The following PREX1 variants were observed in gnomAD, a reference collection of about 807,000 sequenced individuals.
The protein encoded by PREX1 is phosphatidylinositol-3,4,5-trisphosphate dependent Rac exchange factor 1, also known as phosphatidylinositol 3,4,5-trisphosphate-dependent Rac exchanger 1 protein.
Under a neutral mutation model 198.3 loss-of-function variants are expected in PREX1, and 41 were observed. The ratio of observed to expected loss-of-function variants is 0.21; its 90% CI spans 0.16 to 0.27. The LOEUF (loss-of-function observed/expected upper bound fraction) is 0.27, where lower values mean the gene tolerates loss of function less well. PREX1 is among the 10% of genes least tolerant of loss of function. The pLI, the probability that PREX1 is intolerant of heterozygous loss-of-function variation, is 1.00. For missense variants in PREX1, 1,620 were observed against 2,200.7 expected (o/e 0.74, Z 5.28); for synonymous variants, 843 against 887.2 (o/e 0.95, Z 0.89).
intron 32 of PREX1, among the ~76,000 whole-genome samples, 158 bp downstream of exon 32, chr20:48,636,305 T>G (rs2089362661): frequency 6.6e-6 from 1 of 152,250 alleles, no homozygotes; most frequent in Non-Finnish European, 1.5e-5. Context: ...GGACCTTCAG[T>G]GCCTATAAAA....
At chr20:48,767,538 A>T (rs2090214419) in intron 1 of PREX1, among the ~76,000 whole-genome samples, 2 of 152,140 alleles carry the variant, frequency 1.3e-5, no homozygotes, top group Admixed American at 6.5e-5. Flanking sequence ...AAGGAAATAG[A>T]TAACGAACCC....
At chr20:48,653,575 A>C in intron 19 of PREX1, 78 bp from the exon 20 acceptor site, 1 of 1,529,256 alleles carries the variant, frequency 6.5e-7, no homozygotes. Flanking sequence ...CCCACCACCC[A>C]CCACTGCAAC....
chr20:48,705,125 G>A (rs909554243), intron 6 of PREX1, among the ~76,000 whole-genome samples: 4 of 152,190 alleles, frequency 2.6e-5, no homozygotes, highest in African/African-American at 7.2e-5. Flanking sequence ...CAACTCCCCC[G>A]TCCTCAAGTG....
chr20:48,735,766 C>T (rs1451949267), intron 3 of PREX1, among the ~76,000 whole-genome samples: 6 of 152,102 alleles, frequency 3.9e-5, no homozygotes, highest in Non-Finnish European at 8.8e-5. Flanking sequence ...AGTTGCTTCC[C>T]CAGGGTCTCG....
chr20:48,878,919 G>T, the PREX1 span, among the ~76,000 whole-genome samples: 1 of 152,222 alleles, frequency 6.6e-6, no homozygotes, highest in Non-Finnish European at 1.5e-5. Flanking sequence ...GATAATGGAA[G>T]TATTGAGGCT....
At position 48,650,913 on chromosome 20, in the gene PREX1, C is replaced by A; in HGVS notation, c.2798G>T (p.Arg933Met). The change falls in exon 23 of 40, where the codon AGG becomes ATG. Residue 933 changes from arginine to methionine, a missense_variant. By Grantham distance (91) the Arg-to-Met change is moderately conservative. Coordinates refer to ENST00000371941, the MANE Select transcript of PREX1 (RefSeq NM_020820.4). Reference protein sequence around the residue: ...CDTKLESIGQRIACYQEFAAQ... With the variant: ...CDTKLESIGQMIACYQEFAAQ... ...AGGCACCTCCTGGTAGCAGGCAATC[C>A]TCTGGCCAATGCTCTCCAGCTTGGT... 1 of 1,614,176 alleles carries A rather than the reference C, an allele frequency of 6.2e-7. No individual in the cohort carries two copies. The highest frequency in any genetic ancestry group is 8.5e-7 in the Non-Finnish European group (1 of 1,180,042).
the PREX1 span, among the ~76,000 whole-genome samples, chr20:48,874,421 AG>A: frequency 2.6e-5 from 2 of 76,232 alleles, no homozygotes; most frequent in East Asian, 3.8e-4. Flanking sequence ...GTGTGTGTGT[AG>A]GGGGTGGGTG....
the PREX1 span, among the ~76,000 whole-genome samples, chr20:48,838,177 G>C: frequency 6.6e-6 from 1 of 152,178 alleles, no homozygotes; most frequent in Non-Finnish European, 1.5e-5. Context: ...AGGCTTAAGC[G>C]GGGCTGGAAA....
intron 1 of PREX1, among the ~76,000 whole-genome samples, chr20:48,754,423 G>A (rs908290227): frequency 8.5e-5 from 13 of 152,160 alleles, no homozygotes; most frequent in African/African-American, 2.4e-4. Flanking sequence ...CTTTAAAACA[G>A]GTAGCAGCTG....
intron 5 of PREX1, among the ~76,000 whole-genome samples, chr20:48,715,294 G>T (rs1480467836): frequency 6.6e-6 from 1 of 152,180 alleles, no homozygotes; most frequent in Admixed American, 6.5e-5. Context: ...CTGTTTGAAT[G>T]AATTAATCCA....
At chr20:48,762,752 G>A (rs2090188252) in intron 1 of PREX1, among the ~76,000 whole-genome samples, 1 of 150,612 alleles carries the variant, frequency 6.6e-6, no homozygotes, top group Admixed American at 6.6e-5. Flanking sequence ...ACCCAGGCTG[G>A]AGTGCAGTGG....
At chr20:48,817,860 T>C (rs961942975) in intron 1 of PREX1, among the ~76,000 whole-genome samples, 4 of 152,200 alleles carry the variant, frequency 2.6e-5, no homozygotes, top group Admixed American at 6.5e-5. Context: ...CAGGCATTGT[T>C]GGTGCTGGAG....
the PREX1 span, among the ~76,000 whole-genome samples, chr20:48,860,711 G>A: frequency 3.3e-5 from 5 of 151,990 alleles, no homozygotes; most frequent in East Asian, 1.9e-4. Context: ...GTGGTGGCAC[G>A]TGCCAGTAGC....
At chr20:48,766,535 C>T (rs184762278) in intron 1 of PREX1, among the ~76,000 whole-genome samples, 1 of 152,218 alleles carries the variant, frequency 6.6e-6, no homozygotes, top group Non-Finnish European at 1.5e-5. Flanking sequence ...CTCCTGCCCC[C>T]AGGCCTCAGC....
At chr20:48,677,052 G>A (rs1030521519) in intron 13 of PREX1, among the ~76,000 whole-genome samples, 12 of 152,206 alleles carry the variant, frequency 7.9e-5, no homozygotes, top group African/African-American at 2.7e-4. Flanking sequence ...ACAAAAACGC[G>A]CTTCTGTGGC....
intron 20 of PREX1, 48 bp downstream of exon 20, chr20:48,653,313 C>T (rs1287127940): frequency 1.9e-6 from 3 of 1,596,620 alleles, no homozygotes; most frequent in Non-Finnish European, 2.6e-6. Context: ...GCCACCCACC[C>T]CCACTCAGCA....
At chr20:48,692,127 C>T (rs1159101521) in intron 8 of PREX1, among the ~76,000 whole-genome samples, 1 of 152,110 alleles carries the variant, frequency 6.6e-6, no homozygotes, top group Non-Finnish European at 1.5e-5. Flanking sequence ...TGGGCTCAAG[C>T]GGTCTGCCCA....
intron 3 of PREX1, among the ~76,000 whole-genome samples, chr20:48,743,947 A>T (rs1388090903): frequency 6.6e-6 from 1 of 152,132 alleles, no homozygotes; most frequent in Non-Finnish European, 1.5e-5. Flanking sequence ...CCATCATCTT[A>T]GGCTCTAGCC....
At chr20:48,875,555 G>A in the PREX1 span, among the ~76,000 whole-genome samples, 1 of 152,220 alleles carries the variant, frequency 6.6e-6, no homozygotes, top group Non-Finnish European at 1.5e-5. Context: ...AAGCAGGGCC[G>A]CGATCAGTAT....
Sources: gnomAD v4.1 joint callset for allele counts (sites outside exome capture counted in the v4.1 genomes callset) on GRCh38, gnomAD v4.1.1 for gene constraint, MANE v1.5 for transcripts, NCBI Gene and HGNC (gene_info 2026-07-23, HGNC 2026-07-21) for gene names.